Variants in FHIT observed in about 807,000 individuals in gnomAD.
FHIT encodes the protein fragile histidine triad diadenosine triphosphatase.
A neutral mutation model predicts 17.9 loss-of-function variants in FHIT; 19 were observed. The ratio of observed to expected loss-of-function variants is 1.06; its 90% CI spans 0.74 to 1.56. The LOEUF (loss-of-function observed/expected upper bound fraction) is 1.56, where lower values mean the gene tolerates loss of function less well. Ranked by LOEUF, FHIT falls within the 40% of genes most tolerant of loss-of-function variation. The pLI, the probability that FHIT is intolerant of heterozygous loss-of-function variation, is 0.00. For synonymous variants in FHIT, 81 were observed against 69.7 expected, an observed-to-expected ratio of 1.16 and a Z score of -0.81; for missense variants, 248 against 189.2, an observed-to-expected ratio of 1.31 and a Z score of -1.82.
intron 4 of FHIT, among the ~76,000 whole-genome samples, chr3:60,620,399 T>C (rs1474681675): frequency 1.3e-5 from 2 of 152,196 alleles, no homozygotes; most frequent in Non-Finnish European, 2.9e-5. Context: ...GTAATTGAGA[T>C]GACCTTCAGT....
At chr3:60,191,974 T>C (rs115970056) in intron 5 of FHIT, among the ~76,000 whole-genome samples, 6,671 of 151,964 alleles carry the variant, frequency 0.044, 190 homozygotes, top group Middle Eastern at 0.13. Context: ...AGGCTGGGTG[T>C]GGTGGCTCAC....
intron 5 of FHIT, among the ~76,000 whole-genome samples, chr3:60,404,058 T>A (rs1701761322): frequency 6.6e-6 from 1 of 152,180 alleles, no homozygotes; most frequent in African/African-American, 2.4e-5. Flanking sequence ...TCAGACTGAT[T>A]GTGGGCCAAG....
chr3:60,710,917 G>C (rs554032174), intron 4 of FHIT, among the ~76,000 whole-genome samples: 2 of 152,212 alleles, frequency 1.3e-5, no homozygotes, highest in South Asian at 4.1e-4. Context: ...TTTGAGGAGA[G>C]CAGTGGTTCT....
intron 7 of FHIT, among the ~76,000 whole-genome samples, chr3:59,925,002 CTCTTT>C (rs59925549): frequency 0.069 from 10,506 of 152,132 alleles, 721 homozygotes; most frequent in East Asian, 0.33. Flanking sequence ...GACTCTTTGT[CTCTTT>C]TCTTGTTTTT....
chr3:60,595,522 GAC>G (rs1353320008), intron 4 of FHIT, among the ~76,000 whole-genome samples: 1 of 46,310 alleles, frequency 2.2e-5, no homozygotes, highest in African/African-American at 1.3e-4. Flanking sequence ...TATATATATG[GAC>G]ACACACACAT....
intron 4 of FHIT, among the ~76,000 whole-genome samples, chr3:60,655,800 A>G (rs2040101217): frequency 6.6e-6 from 1 of 152,192 alleles, no homozygotes; most frequent in South Asian, 2.1e-4. Flanking sequence ...TGATGTTAAT[A>G]TCACAGAAAG....
chr3:59,762,338 G>A (rs1179171088), intron 8 of FHIT, among the ~76,000 whole-genome samples: 1 of 152,146 alleles, frequency 6.6e-6, no homozygotes, highest in Non-Finnish European at 1.5e-5. Context: ...ACTGTAGTAG[G>A]TTTTCAATAA....
intron 2 of FHIT, among the ~76,000 whole-genome samples, chr3:61,199,578 G>C (rs1560064548): frequency 6.6e-6 from 1 of 151,978 alleles, no homozygotes; most frequent in Non-Finnish European, 1.5e-5. Flanking sequence ...TCTAAAAGGG[G>C]TTTTCTCCAA....
intron 2 of FHIT, among the ~76,000 whole-genome samples, chr3:61,136,455 A>G (rs2036918917): frequency 1.3e-5 from 2 of 152,154 alleles, no homozygotes; most frequent in African/African-American, 4.8e-5. Context: ...GCAAAAAACT[A>G]GGTAAGTAGT....
chr3:60,719,336 CAAAACCAT>C (rs2041758087), intron 4 of FHIT, among the ~76,000 whole-genome samples: 1 of 152,094 alleles, frequency 6.6e-6, no homozygotes, highest in Non-Finnish European at 1.5e-5. Context: ...GGAAATATCC[CAAAACCAT>C]ACCATAAACT....
At chr3:60,308,710 T>C (rs1708801304) in intron 5 of FHIT, among the ~76,000 whole-genome samples, 1 of 152,110 alleles carries the variant, frequency 6.6e-6, no homozygotes, top group South Asian at 2.1e-4. Context: ...ATATGAAATG[T>C]TCAGCATAGG....
At chr3:60,412,494 G>A (rs1702098861) in intron 5 of FHIT, among the ~76,000 whole-genome samples, 1 of 151,956 alleles carries the variant, frequency 6.6e-6, no homozygotes, top group African/African-American at 2.4e-5. Context: ...TCTCTCTGCA[G>A]ATTTCCTAGT....
At chr3:61,025,040 T>TC (rs113661143) in intron 3 of FHIT, among the ~76,000 whole-genome samples, 40,018 of 152,008 alleles carry the variant, frequency 0.26, 6,164 homozygotes, top group African/African-American at 0.44. Context: ...ACTCTCCATT[T>TC]CCAGTTAGAC....
intron 4 of FHIT, among the ~76,000 whole-genome samples, chr3:60,816,704 T>A (rs1553737808): frequency 2.5e-3 from 386 of 152,098 alleles, no homozygotes; most frequent in Non-Finnish European, 4.1e-3. Flanking sequence ...TCTTTTTTTT[T>A]TATTGTGTGT....
chr3:60,017,752 G>A (rs1169281652), intron 5 of FHIT, among the ~76,000 whole-genome samples: 1 of 152,168 alleles, frequency 6.6e-6, no homozygotes, highest in Admixed American at 6.5e-5. Flanking sequence ...AAAGTGGTGT[G>A]ACCACATGCC....
chr3:60,344,463 A>G (rs928484859), intron 5 of FHIT, among the ~76,000 whole-genome samples: 4 of 152,214 alleles, frequency 2.6e-5, no homozygotes. Flanking sequence ...ACAGATTGAG[A>G]AAAGTCACTC....
intron 3 of FHIT, among the ~76,000 whole-genome samples, chr3:60,854,962 A>G (rs890219272): frequency 2.0e-5 from 3 of 152,236 alleles, no homozygotes; most frequent in African/African-American, 7.2e-5. Context: ...GCCTCTTCCT[A>G]TCTAGGGAGG....
intron 5 of FHIT, among the ~76,000 whole-genome samples, chr3:60,372,616 G>A (rs907379591): frequency 1.3e-5 from 2 of 152,112 alleles, no homozygotes; most frequent in African/African-American, 4.8e-5. Context: ...ACAAACAATC[G>A]AAAGCTCTTT....
intron 4 of FHIT, among the ~76,000 whole-genome samples, chr3:60,725,663 C>A (rs1275066091): frequency 3.3e-5 from 5 of 152,070 alleles, no homozygotes; most frequent in African/African-American, 1.2e-4. Context: ...AATTGGTGTT[C>A]TTTTTTTCTA....
Sources: allele counts gnomAD v4.1 joint callset (sites outside exome capture counted in the v4.1 genomes callset), GRCh38; gene constraint gnomAD v4.1.1; transcripts MANE v1.5; gene names NCBI Gene and HGNC (gene_info 2026-07-23, HGNC 2026-07-21).